The following WARS2 variants were observed in gnomAD, a reference collection of about 807,000 sequenced individuals.
The protein encoded by WARS2 is tryptophan--tRNA ligase, mitochondrial.
A neutral mutation model predicts 36.5 loss-of-function variants in WARS2; 28 were observed. The observed-to-expected ratio is 0.77, with a 90% CI of 0.57 to 1.05. WARS2 has a LOEUF of 1.05. Among genes scored for constraint, WARS2 ranks in the 50% least tolerant of loss-of-function variants. WARS2 has a pLI of 0.00. For missense variants in WARS2, 435 were observed against 456.8 expected (o/e 0.95, Z 0.44); for synonymous variants, 174 against 178.4 (o/e 0.98, Z 0.20).
At chr1:119,062,620 G>C (rs944117430) in intron 2 of WARS2, among the ~76,000 whole-genome samples, 1 of 152,170 alleles carries the variant, frequency 6.6e-6, no homozygotes, top group Non-Finnish European at 1.5e-5. Flanking sequence ...TGTTGTGGGA[G>C]GGACCCAAAG....
At chr1:119,062,212 T>G (rs1298333615) in intron 2 of WARS2, among the ~76,000 whole-genome samples, 1 of 152,206 alleles carries the variant, frequency 6.6e-6, no homozygotes, top group African/African-American at 2.4e-5. Context: ...TGCCTACTGC[T>G]ACAGGGACTG....
In WARS2 at chr1:119,111,754, G is replaced by A. The variant is rs748003535; in HGVS notation, c.90+28801C>T. ...CCTCAATTACAGCTTGGATATCCCC[G>A]CTCGGTCACTGGTTCCTAGGGAGGT... On this transcript the variant is annotated intron_variant, in intron 1 of 5. Coordinates refer to ENST00000235521, the MANE Select transcript of WARS2 (RefSeq NM_015836.4). Among the ~76,000 whole-genome samples, 47 of 152,036 alleles carry A rather than the reference G, an allele frequency of 3.1e-4. 1 individual carries two copies. The highest frequency in any genetic ancestry group is 5.3e-4 in the Non-Finnish European group (36 of 68,008).
chr1:119,140,615 A>C lies in WARS2; in HGVS notation c.30T>G (p.Arg10=), dbSNP rs371717761. 6.2e-7 allele frequency: 1 copy of C among 1,613,808 alleles called. No homozygotes were observed. Among genetic ancestry groups the C allele is most frequent in the Non-Finnish European group, 8.5e-7 (1 of 1,179,886 alleles). Residue 10 remains arginine (R), a synonymous_variant, in exon 1 of 6, where the codon CGT becomes CGG. Transcript: ENST00000235521. Reference sequence around the variant, plus strand: ...GTGCCCGGATGAAGCTCCAGCGCTCACGCGCTTTCCGCATTGAGTGCAGCG... The same window carrying C: ...GTGCCCGGATGAAGCTCCAGCGCTCCCGCGCTTTCCGCATTGAGTGCAGCG... MALHSMRKA[R]ERWSFIRALH...
At chr1:119,103,845 T>C (rs1320047108) in intron 1 of WARS2, among the ~76,000 whole-genome samples, 1 of 151,718 alleles carries the variant, frequency 6.6e-6, no homozygotes, top group Admixed American at 6.6e-5. Context: ...GGATCATATG[T>C]TACTCTGCAC....
chr1:119,101,962 T>C (rs185294843), intron 1 of WARS2, among the ~76,000 whole-genome samples: 29 of 152,116 alleles, frequency 1.9e-4, no homozygotes, highest in Non-Finnish European at 3.8e-4. Flanking sequence ...GATAATCATC[T>C]ATTTTATTAA....
chr1:119,082,542 G>A, intron 1 of WARS2: 14 of 699,260 alleles, frequency 2.0e-5, no homozygotes, highest in Non-Finnish European at 2.5e-5. Context: ...AGTCAGATCT[G>A]GATCTGAGCT....
intron 1 of WARS2, among the ~76,000 whole-genome samples, chr1:119,101,112 T>A (rs1240957655): frequency 6.6e-6 from 1 of 152,060 alleles, no homozygotes; most frequent in Admixed American, 6.6e-5. Flanking sequence ...GGTAAAAACA[T>A]ACAGTTCGAT....
intron 2 of WARS2, chr1:119,047,279 G>A (rs1369207812): frequency 1.8e-5 from 1 of 57,004 alleles, no homozygotes; most frequent in Non-Finnish European, 3.3e-5. Context: ...AGAAGTAGGA[G>A]AGAATTTTTT....
intron 1 of WARS2, 144 bp downstream of exon 1, chr1:119,140,411 A>C: frequency 3.2e-6 from 2 of 632,980 alleles, no homozygotes; most frequent in South Asian, 5.0e-5. Context: ...GAGCAGGCCG[A>C]CAGTCATAGA....
At chr1:119,095,535 G>A (rs1653377746) in intron 1 of WARS2, among the ~76,000 whole-genome samples, 1 of 151,952 alleles carries the variant, frequency 6.6e-6, no homozygotes, top group East Asian at 1.9e-4. Context: ...TGGGTTCAAG[G>A]GATTCTCCTG....
intron 2 of WARS2, among the ~76,000 whole-genome samples, chr1:119,072,681 A>AT (rs1651417446): frequency 6.6e-6 from 1 of 152,144 alleles, no homozygotes; most frequent in Admixed American, 6.5e-5. Flanking sequence ...TATAAAAGTC[A>AT]TTTTTGGGAG....
In WARS2 at chr1:119,033,132, C is replaced by A. The variant is rs1647576421; in HGVS notation, c.862G>T (p.Glu288Ter). 1 of 1,614,062 alleles carries A rather than the reference C, an allele frequency of 6.2e-7. No individual in the cohort carries two copies. Among genetic ancestry groups the A allele is most frequent in the South Asian group, 1.1e-5 (1 of 91,088 alleles). Reference protein sequence around the residue: ...VHAAVTGLSVEEVVRRSAGMN... With the variant: ...VHAAVTGLSV ...CCCGCGCTGCGGCGCACCACTTCCT[C>A]CACGGAGAGCCCCGTCACCGCGGCA... is the stretch of plus-strand genomic sequence containing the variant. The change falls in exon 6 of 6, where the codon GAG becomes TAG. Residue 288 changes from glutamate (E) to a stop codon, truncating the protein, a stop_gained. Transcript: ENST00000235521. LOFTEE classifies it high-confidence loss of function.
In WARS2 at chr1:119,039,338, T is replaced by C. The variant is rs144172813; in HGVS notation, c.515+2926A>G. 3.3e-5 allele frequency among the ~76,000 whole-genome samples: 5 copies of C among 152,248 alleles called. No homozygotes were observed. In the East Asian group the frequency reaches 5.8e-4, roughly 18 times the overall value. Reference sequence around the variant, plus strand: ...GTTGTTGTTTAATAAAAATTATATATGTATGTGTGTGCCTTTATGTGTATG... The same window carrying C: ...GTTGTTGTTTAATAAAAATTATATACGTATGTGTGTGCCTTTATGTGTATG... On this transcript the variant is annotated intron_variant, in intron 4 of 5. Transcript: ENST00000235521.
At chr1:119,063,073 A>G (rs564545076) in intron 2 of WARS2, 16 of 152,528 alleles carry the variant, frequency 1.0e-4, no homozygotes, top group African/African-American at 3.8e-4. Flanking sequence ...TTTGCTCAAA[A>G]TGCTGATAGT....
intron 2 of WARS2, among the ~76,000 whole-genome samples, chr1:119,061,963 G>A (rs1355989291): frequency 6.6e-6 from 1 of 152,152 alleles, no homozygotes; most frequent in Non-Finnish European, 1.5e-5. Context: ...GAAAGTAATA[G>A]TTTAGGCTTT....
chr1:119,131,275 A>C (rs1656073029), intron 1 of WARS2, among the ~76,000 whole-genome samples: 1 of 152,116 alleles, frequency 6.6e-6, no homozygotes, highest in African/African-American at 2.4e-5. Flanking sequence ...AGAATGATAG[A>C]GTACAGACAG....
intron 2 of WARS2, among the ~76,000 whole-genome samples, chr1:119,066,145 A>G (rs1276057627): frequency 5.3e-5 from 8 of 152,150 alleles, no homozygotes; most frequent in Admixed American, 4.6e-4. Context: ...ACAAAAAACA[A>G]AACTCTGTAC....
intron 1 of WARS2, among the ~76,000 whole-genome samples, chr1:119,139,239 GT>G (rs1414301111): frequency 6.6e-6 from 1 of 152,086 alleles, no homozygotes. Flanking sequence ...GAAATTTAAG[GT>G]GACATTTGAA....
At chr1:119,085,900 G>A (rs953893137) in intron 1 of WARS2, 20 of 1,610,382 alleles carry the variant, frequency 1.2e-5, no homozygotes, top group Non-Finnish European at 1.7e-5. Flanking sequence ...ACCCCAAGCT[G>A]GACCTCTCGC....
Sources: gnomAD v4.1 joint callset for allele counts (sites outside exome capture counted in the v4.1 genomes callset) on GRCh38, gnomAD v4.1.1 for gene constraint, MANE v1.5 for transcripts, NCBI Gene and HGNC (gene_info 2026-07-23, HGNC 2026-07-21) for gene names.